Variants in GNAS-AS1 observed in about 807,000 individuals in gnomAD.
GNAS-AS1 encodes the protein GNAS antisense RNA 1, also known as GNAS antisense RNA 1 (non-protein coding).
intron 4 of GNAS-AS1, chr20:58,824,008 A>T (rs2085503930): frequency 2.5e-6 from 1 of 398,608 alleles, no homozygotes; most frequent in Non-Finnish European, 4.4e-6. Flanking sequence ...ACAGGGAGAT[A>T]CAGAGAAAGG....
At chr20:58,825,580 TAGAG>T (rs1433528771) in intron 4 of GNAS-AS1, among the ~76,000 whole-genome samples, 4 of 152,150 alleles carry the variant, frequency 2.6e-5, no homozygotes, top group Non-Finnish European at 4.4e-5. Context: ...ACAGCTGACT[TAGAG>T]AGAAGTGTGA....
chr20:58,834,003 G>T (rs2085584953), intron 4 of GNAS-AS1: 1 of 152,228 alleles, frequency 6.6e-6, no homozygotes, highest in East Asian at 1.9e-4. Context: ...ATGTAAAATT[G>T]GTCTAATCAT....
chr20:58,849,070 G>C (rs1284074868), intron 1 of GNAS-AS1, among the ~76,000 whole-genome samples: 1 of 152,090 alleles, frequency 6.6e-6, no homozygotes, highest in Non-Finnish European at 1.5e-5. Context: ...TTTTCAACTG[G>C]GGGAGATTTT....
chr20:58,833,133 A>C (rs1261127412), intron 4 of GNAS-AS1, among the ~76,000 whole-genome samples: 7 of 152,260 alleles, frequency 4.6e-5, no homozygotes, highest in Non-Finnish European at 1.5e-5. Context: ...GATCTCCTCC[A>C]CTTAAGTCAA....
chr20:58,826,104 G>A (rs2085518462), intron 4 of GNAS-AS1: 5 of 398,526 alleles, frequency 1.3e-5, no homozygotes. Context: ...CTGCATAAGT[G>A]CTCTCAATGG....
intron 4 of GNAS-AS1, chr20:58,834,598 C>T (rs2085589979): frequency 6.6e-6 from 1 of 152,184 alleles, no homozygotes; most frequent in Admixed American, 6.5e-5. Flanking sequence ...CTCTTGGGTA[C>T]TGATGCTTTG....
At chr20:58,839,195 T>A in intron 4 of GNAS-AS1, 1 of 398,580 alleles carries the variant, frequency 2.5e-6, no homozygotes, top group Non-Finnish European at 4.4e-6. Flanking sequence ...ATGAGGTAAT[T>A]AGCCAATTCA....
At chr20:58,838,381 C>T (rs1157251298) in intron 4 of GNAS-AS1, among the ~76,000 whole-genome samples, 3 of 152,182 alleles carry the variant, frequency 2.0e-5, no homozygotes, top group South Asian at 4.1e-4. Context: ...GGTGTCTGAC[C>T]GCCCCCTAGC....
intron 4 of GNAS-AS1, chr20:58,819,307 G>C (rs1023674377): frequency 2.5e-6 from 1 of 398,184 alleles, no homozygotes; most frequent in African/African-American, 2.1e-5. Context: ...CAGGGCAAAG[G>C]ATTAACAACA....
chr20:58,843,316 C>A (rs912191752), intron 2 of GNAS-AS1: 1 of 152,096 alleles, frequency 6.6e-6, no homozygotes, highest in East Asian at 1.9e-4. Context: ...TATACCAACC[C>A]CCGAGGAAAG....
chr20:58,840,715 C>T lies in GNAS-AS1; in HGVS notation n.819+1222G>A, dbSNP rs753292441. The T allele has an allele frequency of 1.1e-5, 17 of 1,603,858 alleles. No individual in the cohort carries two copies. The highest frequency in any genetic ancestry group is 1.4e-5 in the Non-Finnish European group (17 of 1,179,530). ...AGCCCGAGGACAAAGATCCAAGGGACCCCGAAGAGTCGAAGGAGCCCAAGG... is the reference window on the plus strand; with the variant it reads ...AGCCCGAGGACAAAGATCCAAGGGATCCCGAAGAGTCGAAGGAGCCCAAGG... On this transcript the variant is annotated intron_variant and non_coding_transcript_variant, in intron 4 of 4. Coordinates refer to ENST00000424094, the Ensembl canonical transcript of GNAS-AS1. This position sits in a 1 kb window ranked among gnomAD's most constrained non-coding sequence, Gnocchi z 6.0.
chr20:58,828,764 C>T (rs928849448), intron 4 of GNAS-AS1, among the ~76,000 whole-genome samples: 2 of 152,236 alleles, frequency 1.3e-5, no homozygotes, highest in South Asian at 2.1e-4. Context: ...TACCTTGTCA[C>T]GTGCAGCCTA....
chr20:58,829,444 G>T (rs1478286011), intron 4 of GNAS-AS1, among the ~76,000 whole-genome samples: 1 of 152,214 alleles, frequency 6.6e-6, no homozygotes, highest in African/African-American at 2.4e-5. Flanking sequence ...CATGGTTTAT[G>T]GCTGTTCAAG....
rs1009627222 is a variant in GNAS-AS1 at position 58,828,646 on chromosome 20, C to T, written n.820-9391G>A. Among the ~76,000 whole-genome samples, 3 of 152,236 alleles carry T rather than the reference C, an allele frequency of 2.0e-5. No homozygotes were observed. In the South Asian group the frequency reaches 6.2e-4, roughly 31 times the overall value. ...GGTTGGAAACTCAATTTGGAGTGTT[C>T]CTCTCTTGTCTCCCACTTAGCACTA... On this transcript the variant is annotated intron_variant and non_coding_transcript_variant, in intron 4 of 4. Coordinates refer to ENST00000424094, the Ensembl canonical transcript of GNAS-AS1.
Position 58,826,260 on chromosome 20 carries a change from T to C in GNAS-AS1, n.820-7005A>G, listed in dbSNP as rs1600644119. On this transcript the variant is annotated intron_variant and non_coding_transcript_variant, in intron 4 of 4. Coordinates refer to ENST00000424094, the Ensembl canonical transcript of GNAS-AS1. Reference sequence around the variant, plus strand: ...ACATATACATTTTTTTGCAATGTTGTCATACTACTATTAACAACACTGCTG... The same window carrying C: ...ACATATACATTTTTTTGCAATGTTGCCATACTACTATTAACAACACTGCTG... 1.5e-5 allele frequency: 6 copies of C among 393,494 alleles called. No homozygotes were observed. The East Asian group carries it at 2.2e-4, about 14-fold the overall frequency. The allele number at this position is 393,494 out of a possible 1,614,324, so 24.4% of individuals were successfully genotyped here. A position where few individuals can be genotyped will look rare whatever the true frequency, so the allele number is the denominator to read the frequency against.
chr20:58,845,551 A>G (rs147558786), intron 2 of GNAS-AS1, among the ~76,000 whole-genome samples: 21 of 152,260 alleles, frequency 1.4e-4, no homozygotes, highest in African/African-American at 3.4e-4. Context: ...AAACAAAAAA[A>G]TCTGGTTCTG....
chr20:58,829,099 CCTG>C (rs375214201), intron 4 of GNAS-AS1, among the ~76,000 whole-genome samples: 48 of 152,170 alleles, frequency 3.2e-4, no homozygotes, highest in African/African-American at 9.7e-4. Context: ...CTCATGGCCT[CCTG>C]CTACCTCACA....
rs764801567 is a variant in GNAS-AS1, at chr20:58,840,503, C to T, written n.819+1434G>A. 2.2e-5 allele frequency: 36 copies of T among 1,613,238 alleles called. No homozygotes were observed. The highest frequency in any genetic ancestry group is 8.8e-5 in the South Asian group (8 of 91,070). ...CTTCGAGACCGAGCCTGAGACCGCC[C>T]CCACCACTGAGCCCGAGACCGAGCC... On this transcript the variant is annotated intron_variant and non_coding_transcript_variant, in intron 4 of 4. Transcript: ENST00000424094. This position sits in a 1 kb window ranked among gnomAD's most constrained non-coding sequence, Gnocchi z 6.0.
Position 58,840,090 on chromosome 20 carries a change from G to T in GNAS-AS1, n.819+1847C>A. On this transcript the variant is annotated intron_variant and non_coding_transcript_variant, in intron 4 of 4. Transcript: ENST00000424094. This position sits in a 1 kb window ranked among gnomAD's most constrained non-coding sequence, Gnocchi z 6.0. ...GAGCCAGAGGGCAGGCCGGCTTCTC[G>T]GTGTGTGCCTAAGAGGATGGATCGG... is the stretch of plus-strand genomic sequence containing the variant. The T allele has an allele frequency of 6.2e-7, 1 of 1,609,468 alleles. No individual in the cohort carries two copies.
Sources: gnomAD v4.1 joint callset for allele counts (sites outside exome capture counted in the v4.1 genomes callset) on GRCh38, gnomAD v4.1.1 for gene constraint, Gnocchi (gnomAD v3.1) non-coding constraint, MANE v1.5 for transcripts, NCBI Gene and HGNC (gene_info 2026-07-23, HGNC 2026-07-21) for gene names.